The following GDI2 variants were observed in gnomAD, a reference collection of about 807,000 sequenced individuals.
GDI2 encodes the protein rab GDP dissociation inhibitor beta.
A neutral mutation model predicts 54.2 loss-of-function variants in GDI2; 22 were observed. The ratio of observed to expected loss-of-function variants is 0.41; its 90% CI spans 0.29 to 0.58. GDI2 has a LOEUF of 0.58. Among genes scored for constraint, GDI2 ranks in the 20% least tolerant of loss-of-function variants. GDI2 has a pLI of 0.35. For synonymous variants in GDI2, 177 were observed against 182.1 expected (o/e 0.97, Z 0.23); for missense variants, 422 against 546.0 (o/e 0.77, Z 2.26).
chr10:5,795,073 C>T (rs1841116205), intron 3 of GDI2, 54 bp from the exon 4 acceptor site: 3 of 1,153,372 alleles, frequency 2.6e-6, no homozygotes, highest in Non-Finnish European at 3.9e-6. Flanking sequence ...TTATAAAGAA[C>T]ATTTACTAAT....
intron 6 of GDI2, among the ~76,000 whole-genome samples, chr10:5,777,096 A>G (rs910278572): frequency 1.3e-5 from 2 of 152,224 alleles, no homozygotes; most frequent in Non-Finnish European, 2.9e-5. Flanking sequence ...ATGGAGGTTC[A>G]GTTTCTCCAG....
chr10:5,769,672 ATCATAACTTCAGTGAGCTACT>A (rs1038332766), intron 7 of GDI2, among the ~76,000 whole-genome samples: 188 of 152,326 alleles, frequency 1.2e-3, no homozygotes, highest in African/African-American at 4.3e-3. Flanking sequence ...AACATCACTA[ATCATAACTTCAGTGAGCTACT>A]ACCTCACAAC....
chr10:5,799,924 A>G (rs1841230426), intron 2 of GDI2, among the ~76,000 whole-genome samples: 2 of 152,246 alleles, frequency 1.3e-5, no homozygotes, highest in Admixed American at 1.3e-4. Flanking sequence ...ACTCTGATGG[A>G]AGATTTTTTT....
intron 1 of GDI2, 120 bp from the exon 2 acceptor site, chr10:5,800,825 G>T: frequency 1.5e-6 from 1 of 660,348 alleles, no homozygotes; most frequent in Non-Finnish European, 2.7e-6. Flanking sequence ...CATGCAACAT[G>T]ACATAATTTA....
chr10:5,811,792 A>C, intron 1 of GDI2: 1 of 388,876 alleles, frequency 2.6e-6, no homozygotes, highest in Non-Finnish European at 4.9e-6. Flanking sequence ...AGTATTCAGA[A>C]TGAATATTCT....
At position 5,765,893 on chromosome 10, in the gene GDI2, CTT is replaced by C; in HGVS notation, c.*111_*112del. On this transcript the variant is annotated 3_prime_UTR_variant, in exon 11 of 11. Transcript: ENST00000380191. ...GGGGAGTATTTACTGGCACAGCGCT[CTT>C]CATTCTCTCCATTTTCATTACAAAA... is the stretch of plus-strand genomic sequence containing the variant. The C allele has an allele frequency of 1.3e-6, 1 of 780,112 alleles. No homozygotes were observed. Among genetic ancestry groups the C allele is most frequent in the Non-Finnish European group, 2.1e-6 (1 of 486,208 alleles). The allele number at this position is 780,112 out of a possible 1,614,324, so 48.3% of individuals were successfully genotyped here.
intron 8 of GDI2, among the ~76,000 whole-genome samples, chr10:5,767,193 CAA>C (rs57625608): frequency 3.5e-5 from 5 of 140,926 alleles, no homozygotes; most frequent in Non-Finnish European, 7.8e-5. Flanking sequence ...ATTTAAAGGC[CAA>C]AAAAAAAAAA....
intron 4 of GDI2, among the ~76,000 whole-genome samples, chr10:5,788,796 T>C (rs1018224483): frequency 2.0e-5 from 3 of 152,074 alleles, no homozygotes; most frequent in Non-Finnish European, 2.9e-5. Context: ...AGTCTCACTC[T>C]GTCGCCCAGG....
At chr10:5,800,999 G>A (rs775775659) in intron 1 of GDI2, among the ~76,000 whole-genome samples, 4 of 151,892 alleles carry the variant, frequency 2.6e-5, no homozygotes, top group Non-Finnish European at 4.4e-5. Context: ...TGCCCAGGCA[G>A]GAGTGCAATG....
chr10:5,772,559 C>G (rs544127723), intron 7 of GDI2, among the ~76,000 whole-genome samples: 1 of 152,092 alleles, frequency 6.6e-6, no homozygotes, highest in Non-Finnish European at 1.5e-5. Context: ...GAGTTCGAGA[C>G]CAGCCTGGCC....
At chr10:5,784,373 T>A (rs1318208984) in intron 6 of GDI2, among the ~76,000 whole-genome samples, 1 of 152,236 alleles carries the variant, frequency 6.6e-6, no homozygotes, top group Non-Finnish European at 1.5e-5. Flanking sequence ...CACCTTTCTC[T>A]CGTGCCTCCT....
At chr10:5,778,151 G>A (rs1467599576) in intron 6 of GDI2, among the ~76,000 whole-genome samples, 2 of 152,170 alleles carry the variant, frequency 1.3e-5, no homozygotes, top group Admixed American at 1.3e-4. Flanking sequence ...GGGGGCTAGG[G>A]AGGGATAGCA....
chr10:5,781,885 T>C (rs1840765174), intron 6 of GDI2, among the ~76,000 whole-genome samples: 1 of 150,918 alleles, frequency 6.6e-6, no homozygotes, highest in Admixed American at 6.6e-5. Context: ...TGGTGGCACA[T>C]GCCTGTAGTC....
rs2131677011 is a variant in GDI2, at chr10:5,765,935, A to G, written c.*71T>C. The stretch of plus-strand genomic sequence containing the variant: ...TCATTACAAAAGCAGGCCTTACAAT[A>G]TTGATTTCATTATATGCATTATTTG... On this transcript the variant is annotated 3_prime_UTR_variant, in exon 11 of 11. Transcript: ENST00000380191. The G allele has an allele frequency of 8.9e-7, 1 of 1,124,286 alleles. No homozygotes were observed. Among genetic ancestry groups the G allele is most frequent in the South Asian group, 1.6e-5 (1 of 64,378 alleles). 69.6% of individuals were successfully genotyped at this position (1,124,286 alleles called of 1,614,324 possible).
At chr10:5,786,104 AACG>A in intron 4 of GDI2, 54 bp from the exon 5 acceptor site, 1 of 1,192,480 alleles carries the variant, frequency 8.4e-7, no homozygotes, top group Non-Finnish European at 1.2e-6. Context: ...CATTGAGGAG[AACG>A]AAGTATGAGA....
chr10:5,804,527 C>A (rs1014160218), intron 1 of GDI2, among the ~76,000 whole-genome samples: 7 of 152,176 alleles, frequency 4.6e-5, no homozygotes, highest in Non-Finnish European at 1.0e-4. Flanking sequence ...TTTGTTCTGC[C>A]CGCTTCTGAA....
intron 1 of GDI2, among the ~76,000 whole-genome samples, chr10:5,811,387 C>T (rs977267869): frequency 6.6e-5 from 10 of 152,116 alleles, no homozygotes; most frequent in African/African-American, 2.4e-4. Context: ...AGCTCATTAT[C>T]TTAACTTGTT....
At chr10:5,802,241 G>C (rs1295303616) in intron 1 of GDI2, among the ~76,000 whole-genome samples, 1 of 152,018 alleles carries the variant, frequency 6.6e-6, no homozygotes, top group East Asian at 1.9e-4. Context: ...TTTTCTCAAA[G>C]AAAACCTAAA....
intron 1 of GDI2, among the ~76,000 whole-genome samples, chr10:5,801,243 G>A (rs1841264191): frequency 6.6e-6 from 1 of 152,138 alleles, no homozygotes; most frequent in South Asian, 2.1e-4. Context: ...GTAAGCCATC[G>A]TGCCCAGCCT....
Sources: allele counts gnomAD v4.1 joint callset (sites outside exome capture counted in the v4.1 genomes callset), GRCh38; gene constraint gnomAD v4.1.1; transcripts MANE v1.5; gene names NCBI Gene and HGNC (gene_info 2026-07-23, HGNC 2026-07-21).